Variants in WDR81 observed in about 807,000 individuals in gnomAD.
WDR81 encodes WD repeat-containing protein 81.
Under a neutral mutation model 140.8 loss-of-function variants are expected in WDR81, and 92 were observed. The observed-to-expected ratio is 0.65, with a 90% CI of 0.55 to 0.78. WDR81 has a LOEUF of 0.78. Ranked by LOEUF, WDR81 falls within the 30% of genes least tolerant of loss-of-function variation. The probability of loss-of-function intolerance (pLI) is 0.00; values close to 1 mark genes in which losing one functional copy is unlikely to be tolerated. For missense variants in WDR81, 2,502 were observed against 2,636.4 expected, an observed-to-expected ratio of 0.95 and a Z score of 1.12; for synonymous variants, 1,183 against 1,156.4, an observed-to-expected ratio of 1.02 and a Z score of -0.47.
Position 1,728,563 on chromosome 17 carries a change from G to A in WDR81, c.3604G>A (p.Gly1202Arg). 1 of 1,519,120 alleles carries A rather than the reference G, an allele frequency of 6.6e-7. No homozygotes were observed. The highest frequency in any genetic ancestry group is 2.4e-5 in the East Asian group (1 of 41,014). 94.1% of individuals were successfully genotyped at this position (1,519,120 alleles called of 1,614,324 possible). ...TGTGGCCGGCGGCAGTGGGGGAGAT[G>A]GAGAAGAAGAGGAGGAGGCACTGCC... The part of the protein sequence containing the change: ...TVVAGGSGGD[G>R]EEEEEALPEQ... The change falls in exon 1 of 10, where the codon GGA (glycine) becomes AGA (arginine). Residue 1202 changes from glycine (G) to arginine (R), a missense_variant. Transcript: ENST00000409644.
Position 1,727,428 on chromosome 17 carries a change from C to T in WDR81, c.2469C>T (p.Asp823=). The T allele has an allele frequency of 6.4e-7, 1 of 1,550,414 alleles. No homozygotes were observed. The highest frequency in any genetic ancestry group is 8.7e-7 in the Non-Finnish European group (1 of 1,147,000). ...CTGTGTCTTTGCAGCCCGTGCTGGA[C>T]ACACTCCTGCAGATGAGTGGCCCCG... ...EVPVSLQPVL[D]TLLQMSGPEV... Residue 823 remains aspartate (D), a synonymous_variant, in exon 1 of 10, where the codon GAC becomes GAT. Transcript: ENST00000409644.
Position 1,734,166 on chromosome 17 carries a change from A to G in WDR81, c.5129A>G (p.Gln1710Arg). Reference protein sequence around the residue: ...VFFVGQLEAPQHVVSCDGAVH... With the variant: ...VFFVGQLEAPRHVVSCDGAVH... The stretch of plus-strand genomic sequence containing the variant: ...TTCGTGGGCCAGCTTGAGGCCCCGC[A>G]GCACGTGGTGAGCTGTGACGGGGCT... Residue 1710 changes from glutamine (Q) to arginine (R), a missense_variant, in exon 7 of 10, where the codon CAG becomes CGG. Gln to Arg is a conservative substitution (Grantham distance 43). Coordinates refer to ENST00000409644, the MANE Select transcript of WDR81 (RefSeq NM_001163809.2). 1.3e-6 allele frequency: 2 copies of G among 1,597,862 alleles called. No homozygotes were observed. The highest frequency in any genetic ancestry group is 1.1e-5 in the South Asian group (1 of 90,974).
In WDR81 at chr17:1,730,928, C is replaced by T; in HGVS notation, c.3949C>T (p.Pro1317Ser). Reference sequence around the variant, plus strand: ...GCCTGTCCTCACCTACCAGTACCTGCCCTACATCAGCTACCTGGTCAGTCG... The same window carrying T: ...GCCTGTCCTCACCTACCAGTACCTGTCCTACATCAGCTACCTGGTCAGTCG... ...GEPVLTYQYL[P>S]YISYLVAPGS... is the part of the protein sequence containing the mutation. The change falls in exon 3 of 10, where the codon CCC (proline) becomes TCC (serine). Residue 1317 changes from proline to serine, a missense_variant. Around this residue, in one of 3 missense-constraint regions of WDR81, gnomAD observed 1,737 missense variants for 1,843.0 expected, o/e 0.94. Transcript: ENST00000409644. The T allele has an allele frequency of 1.9e-6, 3 of 1,613,164 alleles. No homozygotes were observed. Among genetic ancestry groups the T allele is most frequent in the Non-Finnish European group, 1.7e-6 (2 of 1,179,890 alleles).
Position 1,727,471 on chromosome 17 carries a change from G to A in WDR81, c.2512G>A (p.Glu838Lys), listed in dbSNP as rs1915362559. ...MSGPEVPMGAERGKLDQLFEY... is the reference protein window; with the variant it reads ...MSGPEVPMGAKRGKLDQLFEY... Reference sequence around the variant, plus strand: ...TGGCCCCGAAGTCCCCATGGGAGCAGAGAGGGGCAAGCTGGACCAACTGTT... The same window carrying A: ...TGGCCCCGAAGTCCCCATGGGAGCAAAGAGGGGCAAGCTGGACCAACTGTT... The change falls in exon 1 of 10, where the codon GAG becomes AAG. Residue 838 changes from glutamate to lysine, a missense_variant. Coordinates refer to ENST00000409644, the MANE Select transcript of WDR81 (RefSeq NM_001163809.2). 6.4e-7 allele frequency: 1 copy of A among 1,550,406 alleles called. No individual in the cohort carries two copies. The highest frequency in any genetic ancestry group is 8.7e-7 in the Non-Finnish European group (1 of 1,146,988).
rs570867728 is a variant in WDR81, at chr17:1,730,329, G to C, written c.3668-51G>C. On this transcript the variant is annotated intron_variant, in intron 1 of 9. Coordinates refer to ENST00000409644, the MANE Select transcript of WDR81 (RefSeq NM_001163809.2). ...GGTGCCGTGGGGTGGGGTGGGAGGG[G>C]TGATGAGCCCCTGTTATCTGAGGAG... is the stretch of plus-strand genomic sequence containing the variant. 78 of 1,478,554 alleles carry C rather than the reference G, an allele frequency of 5.3e-5. 1 individual carries two copies. In the East Asian group the frequency reaches 1.6e-3, roughly 31 times the overall value. 91.6% of individuals were successfully genotyped at this position (1,478,554 alleles called of 1,614,324 possible). A position where few individuals can be genotyped will look rare whatever the true frequency, so the allele number is the denominator to read the frequency against.
Position 1,737,412 on chromosome 17 carries a change from G to A in WDR81, c.5553G>A (p.Leu1851=), listed in dbSNP as rs1395210812. The A allele has an allele frequency of 1.1e-5, 18 of 1,612,846 alleles. No homozygotes were observed. Among genetic ancestry groups the A allele is most frequent in the Non-Finnish European group, 1.4e-5 (17 of 1,179,938 alleles). Residue 1851 remains leucine (L), a synonymous_variant, in exon 10 of 10, where the codon TTG becomes TTA. Transcript: ENST00000409644. ...VLVSSSSDHS[L]TVWKELEQKP... ...TCAGCTCCTCCTCTGACCATTCCTT[G>A]ACCGTCTGGAAGGAGCTGGAGCAGA...
rs531945660 is a variant in WDR81 at position 1,725,826 on chromosome 17, C to T, written c.867C>T (p.Ile289=). The part of the protein sequence containing the change: ...LACGALSLYH[I]AVDEKLCSEL... ...GTGGGGCCCTGTCTTTGTATCACAT[C>T]GCAGTGGATGAGAAGCTTTGCAGCG... Residue 289 remains isoleucine, a synonymous_variant, in exon 1 of 10, where the codon ATC becomes ATT. Coordinates refer to ENST00000409644, the MANE Select transcript of WDR81 (RefSeq NM_001163809.2). 10 of 1,550,728 alleles carry T rather than the reference C, an allele frequency of 6.4e-6. No homozygotes were observed. The South Asian group carries it at 9.5e-5, about 15-fold the overall frequency.
chr17:1,726,544 C>T lies in WDR81; in HGVS notation c.1585C>T (p.Arg529Ter), dbSNP rs779405050. ...SSSQEFVAAHRALLESREVSR... is the reference protein window; with the variant it reads ...SSSQEFVAAH Reference sequence around the variant, plus strand: ...CAGCCAGGAGTTCGTAGCTGCCCACCGAGCCCTGCTGGAGAGCCGCGAGGT... The same window carrying T: ...CAGCCAGGAGTTCGTAGCTGCCCACTGAGCCCTGCTGGAGAGCCGCGAGGT... The change falls in exon 1 of 10, where the codon CGA becomes TGA. Residue 529 changes from arginine to a stop codon, truncating the protein, a stop_gained. Coordinates refer to ENST00000409644, the MANE Select transcript of WDR81 (RefSeq NM_001163809.2). LOFTEE classifies it high-confidence loss of function. The T allele has an allele frequency of 1.3e-5, 20 of 1,550,292 alleles. No homozygotes were observed. The highest frequency in any genetic ancestry group is 7.8e-5 in the Admixed American group (4 of 50,974).
upstream of WDR81, among the ~76,000 whole-genome samples, chr17:1,722,347 C>CTTT (rs543901572): frequency 3.6e-5 from 5 of 138,260 alleles, no homozygotes; most frequent in African/African-American, 5.3e-5. Context: ...TTTTCTCTCT[C>CTTT]TTTTTTTTTT....
rs1905018739 is a variant in WDR81 at position 1,737,813 on chromosome 17, C to T, written c.*128C>T. On this transcript the variant is annotated 3_prime_UTR_variant, in exon 10 of 10. Transcript: ENST00000409644. Reference sequence around the variant, plus strand: ...TCCCACGCCCTGGGTGCCCACATGGCCTGCCAACTAGGGCCTGCAAATGGA... The same window carrying T: ...TCCCACGCCCTGGGTGCCCACATGGTCTGCCAACTAGGGCCTGCAAATGGA... 2 of 1,222,344 alleles carry T rather than the reference C, an allele frequency of 1.6e-6. No homozygotes were observed. The highest frequency in any genetic ancestry group is 2.2e-6 in the Non-Finnish European group (2 of 902,312). The allele number at this position is 1,222,344 out of a possible 1,614,324, so 75.7% of individuals were successfully genotyped here.
chr17:1,721,811 G>T (rs1254587371), upstream of WDR81, among the ~76,000 whole-genome samples: 2 of 139,362 alleles, frequency 1.4e-5, no homozygotes, highest in Admixed American at 1.5e-4. Context: ...AACAGAGTGA[G>T]ACTCTGTCTT....
In WDR81 at chr17:1,727,645, G is replaced by A; in HGVS notation, c.2686G>A (p.Ala896Thr). 1 of 1,550,520 alleles carries A rather than the reference G, an allele frequency of 6.4e-7. No individual in the cohort carries two copies. Among genetic ancestry groups the A allele is most frequent in the Non-Finnish European group, 8.7e-7 (1 of 1,147,012 alleles). ...CCAGGCAAGGCGTGTGGAGGACGAG[G>A]CCCAGGGGCGCGAGCTGGTGTTTGC... ...LYQARRVEDE[A>T]QGRELVFALW... Residue 896 changes from alanine (A) to threonine (T), a missense_variant, in exon 1 of 10, where the codon GCC becomes ACC. Ala to Thr is a moderately conservative substitution (Grantham distance 58, BLOSUM62 0). Transcript: ENST00000409644.
chr17:1,735,564 C>A lies in WDR81; in HGVS notation c.5180-8C>A. 1 of 1,594,480 alleles carries A rather than the reference C, an allele frequency of 6.3e-7. No homozygotes were observed. On this transcript the variant is annotated splice_region_variant and splice_polypyrimidine_tract_variant and intron_variant, in intron 7 of 9. Coordinates refer to ENST00000409644, the MANE Select transcript of WDR81 (RefSeq NM_001163809.2). The surrounding 1 kb of genome is among the most constrained non-coding windows in gnomAD (Gnocchi z 4.2). ...GGACCCCAGATCCACTGTGACTTTC[C>A]TTCCCAGGGAAGACCCTTCGCACAG...
At chr17:1,734,333 G>T (rs566785435) in intron 7 of WDR81, 117 bp downstream of exon 7, 2 of 1,257,228 alleles carry the variant, frequency 1.6e-6, no homozygotes, top group Non-Finnish European at 2.1e-6. Context: ...ACCCAGCGAG[G>T]CCGCCTAGGA....
At chr17:1,717,869 CT>C (rs1914663972) in intron 1 of WDR81, among the ~76,000 whole-genome samples, 1 of 152,172 alleles carries the variant, frequency 6.6e-6, no homozygotes, top group Admixed American at 6.5e-5. Context: ...TAGACCCTCC[CT>C]GGTCTAGGGG....
chr17:1,725,058 C>T lies in WDR81; in HGVS notation c.99C>T (p.Ser33=). The change falls in exon 1 of 10, where the codon AGC becomes AGT. Residue 33 remains serine (S), a synonymous_variant. Coordinates refer to ENST00000409644, the MANE Select transcript of WDR81 (RefSeq NM_001163809.2). ...PSPDMQELLR[S]VERDLSIDPR... is the part of the protein sequence containing the mutation. Reference sequence around the variant, plus strand: ...CAGACATGCAGGAGCTGCTCCGGAGCGTGGAGAGGGACCTGAGCATCGATC... The same window carrying T: ...CAGACATGCAGGAGCTGCTCCGGAGTGTGGAGAGGGACCTGAGCATCGATC... 1.3e-6 allele frequency: 2 copies of T among 1,483,028 alleles called. No homozygotes were observed. Among genetic ancestry groups the T allele is most frequent in the South Asian group, 1.3e-5 (1 of 75,378 alleles). The allele number at this position is 1,483,028 out of a possible 1,614,324, so 91.9% of individuals were successfully genotyped here. A position where few individuals can be genotyped will look rare whatever the true frequency, so the allele number is the denominator to read the frequency against.
rs943015200 is a variant in WDR81 at position 1,727,169 on chromosome 17, C to T, written c.2210C>T (p.Thr737Met). Residue 737 changes from threonine (T) to methionine (M), a missense_variant, in exon 1 of 10, where the codon ACG (threonine) becomes ATG (methionine). This residue lies in a region of WDR81 where 1,737 missense variants were observed against 1,843.0 expected (regional missense o/e 0.94). Transcript: ENST00000409644. Reference sequence around the variant, plus strand: ...CAGGCCCTGGAGGAGCTGGAGAAAACGGGCAACTTCTTGGCCAAAGGCCTA... The same window carrying T: ...CAGGCCCTGGAGGAGCTGGAGAAAATGGGCAACTTCTTGGCCAAAGGCCTA... The part of the protein sequence containing the change: ...PMQALEELEK[T>M]GNFLAKGLGG... 60 of 1,547,524 alleles carry T rather than the reference C, an allele frequency of 3.9e-5. No individual in the cohort carries two copies. The highest frequency in any genetic ancestry group is 6.9e-5 in the African/African-American group (5 of 72,952).
In WDR81 at chr17:1,737,634, A is replaced by G. The variant is rs776810891; in HGVS notation, c.5775A>G (p.Lys1925=). ...CCAGCCTGGCCTTGCTGCCCACTAA[A>G]CGCCACCTCCTGCTGGGCTCAGACA... is the stretch of plus-strand genomic sequence containing the variant. ...TLTSLALLPT[K]RHLLLGSDNG... The change falls in exon 10 of 10, where the codon AAA becomes AAG. Residue 1925 remains lysine (K), a synonymous_variant. Coordinates refer to ENST00000409644, the MANE Select transcript of WDR81 (RefSeq NM_001163809.2). The G allele has an allele frequency of 1.2e-6, 2 of 1,612,308 alleles. No individual in the cohort carries two copies. Among genetic ancestry groups the G allele is most frequent in the South Asian group, 2.2e-5 (2 of 91,068 alleles).
chr17:1,730,651 G>C (rs1915631449), intron 2 of WDR81, 104 bp from the exon 3 acceptor site: 1 of 1,454,148 alleles, frequency 6.9e-7, no homozygotes, highest in Non-Finnish European at 9.1e-7. Context: ...GGCCAGGCTG[G>C]GCCCCCAGCT....
Sources: gnomAD v4.1 joint callset for allele counts (sites outside exome capture counted in the v4.1 genomes callset) on GRCh38, gnomAD v4.1.1 for gene constraint, gnomAD v4.1.1 regional missense constraint, Gnocchi (gnomAD v3.1) non-coding constraint, MANE v1.5 for transcripts, NCBI Gene and HGNC (gene_info 2026-07-23, HGNC 2026-07-21) for gene names.